The following PIP4K2A variants were observed in gnomAD, a reference collection of about 807,000 sequenced individuals.
PIP4K2A encodes phosphatidylinositol 5-phosphate 4-kinase type-2 alpha.
Under a neutral mutation model 42.9 loss-of-function variants are expected in PIP4K2A, and 14 were observed. The observed-to-expected ratio is 0.33, with a 90% CI of 0.22 to 0.51. The LOEUF is 0.51. Among genes scored for constraint, PIP4K2A ranks in the 20% least tolerant of loss-of-function variants. PIP4K2A has a pLI of 0.97. For synonymous variants in PIP4K2A, 192 were observed against 192.2 expected (o/e 1.00, Z 0.01); for missense variants, 434 against 519.8 (o/e 0.83, Z 1.61).
chr10:22,599,615 G>T (rs1837709011), intron 3 of PIP4K2A, among the ~76,000 whole-genome samples: 2 of 152,244 alleles, frequency 1.3e-5, no homozygotes, highest in African/African-American at 4.8e-5. Context: ...GGGAGCTAGA[G>T]AAAAACGAAC....
Position 22,609,111 on chromosome 10 carries a change from C to G in PIP4K2A, c.242+509G>C, listed in dbSNP as rs12251967. On this transcript the variant is annotated intron_variant, in intron 2 of 9. Transcript: ENST00000376573. ...CCGTGTCTTCTATATCATTGCATCT[C>G]TAGCTCTCAATGGACCACCTAACAT... Among the ~76,000 whole-genome samples the G allele has an allele frequency of 6.7e-3, 1,026 of 152,348 alleles. 7 individuals carry two copies. The highest frequency in any genetic ancestry group is 0.023 in the African/African-American group (966 of 41,580).
chr10:22,664,101 A>ACG lies in PIP4K2A; in HGVS notation c.144+50081_144+50082insCG, dbSNP rs1158450211. Among the ~76,000 whole-genome samples, 80 of 83,770 alleles carry ACG rather than the reference A, an allele frequency of 9.5e-4. 6 individuals carry two copies. Among genetic ancestry groups the ACG allele is most frequent in the African/African-American group, 7.1e-3 (72 of 10,160 alleles). 55.0% of individuals were successfully genotyped at this position (83,770 alleles called of 152,430 possible). On this transcript the variant is annotated intron_variant, in intron 1 of 9. Coordinates refer to ENST00000376573, the MANE Select transcript of PIP4K2A (RefSeq NM_005028.5). ...CGTATATATATATACATATATATAT[A>ACG]TACATATATATATACATATATATAT...
rs1419262688 is a variant in PIP4K2A at position 22,699,077 on chromosome 10, TCCTAA to T, written c.144+15101_144+15105del. Among the ~76,000 whole-genome samples, 7 of 152,270 alleles carry T rather than the reference TCCTAA, an allele frequency of 4.6e-5. No homozygotes were observed. In the East Asian group the frequency reaches 5.8e-4, roughly 13 times the overall value. The stretch of plus-strand genomic sequence containing the variant: ...TGAATTAGACAAAAAGATTAGCTTC[TCCTAA>T]CCTATTTTTTTAATGTCCCTAAAAT... On this transcript the variant is annotated intron_variant, in intron 1 of 9. Coordinates refer to ENST00000376573, the MANE Select transcript of PIP4K2A (RefSeq NM_005028.5).
At chr10:22,571,589 T>C (rs1055005292) in intron 5 of PIP4K2A, among the ~76,000 whole-genome samples, 2 of 152,170 alleles carry the variant, frequency 1.3e-5, no homozygotes, top group African/African-American at 4.8e-5. Flanking sequence ...ATTCAAACAA[T>C]GCATGCAAAC....
intron 1 of PIP4K2A, among the ~76,000 whole-genome samples, chr10:22,703,314 CAGG>C (rs1248523599): frequency 1.3e-5 from 2 of 152,100 alleles, no homozygotes; most frequent in African/African-American, 4.8e-5. Context: ...GAGGCTGAGG[CAGG>C]AGGATTGCTT....
Position 22,648,032 on chromosome 10 carries a change from C to T in PIP4K2A, c.145-38315G>A, listed in dbSNP as rs537402750. Among the ~76,000 whole-genome samples the T allele has an allele frequency of 2.0e-5, 3 of 152,326 alleles. No homozygotes were observed. In the South Asian group the frequency reaches 6.2e-4, roughly 32 times the overall value. On this transcript the variant is annotated intron_variant, in intron 1 of 9. Coordinates refer to ENST00000376573, the MANE Select transcript of PIP4K2A (RefSeq NM_005028.5). ...TCCTGAATCCTTTCCTACGTCTACC[C>T]ATTCTTCAAGGCTGTTCAGACTTTA...
chr10:22,683,498 G>C (rs1188381692), intron 1 of PIP4K2A, among the ~76,000 whole-genome samples: 1 of 152,162 alleles, frequency 6.6e-6, no homozygotes, highest in Non-Finnish European at 1.5e-5. Context: ...TGTCAAATGT[G>C]AATAATGACT....
At chr10:22,618,417 G>A (rs1356298738) in intron 1 of PIP4K2A, among the ~76,000 whole-genome samples, 1 of 152,182 alleles carries the variant, frequency 6.6e-6, no homozygotes, top group Non-Finnish European at 1.5e-5. Context: ...TAAGAGATAA[G>A]AGTTGAGGGT....
chr10:22,665,395 G>A (rs1020401185), intron 1 of PIP4K2A, among the ~76,000 whole-genome samples: 9 of 152,120 alleles, frequency 5.9e-5, no homozygotes, highest in Non-Finnish European at 7.4e-5. Context: ...GAGAGTGAAC[G>A]CACTATAATT....
At chr10:22,562,275 G>A (rs762542149) in intron 6 of PIP4K2A, among the ~76,000 whole-genome samples, 3 of 152,192 alleles carry the variant, frequency 2.0e-5, no homozygotes, top group South Asian at 4.1e-4. Flanking sequence ...TTGGCCGGGC[G>A]CGGTGGCTAA....
At chr10:22,636,738 G>T (rs930964888) in intron 1 of PIP4K2A, among the ~76,000 whole-genome samples, 5 of 152,174 alleles carry the variant, frequency 3.3e-5, no homozygotes, top group Non-Finnish European at 7.3e-5. Flanking sequence ...CATATTAACG[G>T]TCCCCGATGA....
At chr10:22,575,604 TA>T (rs1204344790) in intron 4 of PIP4K2A, among the ~76,000 whole-genome samples, 2 of 152,136 alleles carry the variant, frequency 1.3e-5, no homozygotes, top group Non-Finnish European at 2.9e-5. Flanking sequence ...TCCCCTACCT[TA>T]AACATTAGCT....
At chr10:22,661,288 T>C (rs1043857714) in intron 1 of PIP4K2A, among the ~76,000 whole-genome samples, 1 of 151,792 alleles carries the variant, frequency 6.6e-6, no homozygotes, top group Non-Finnish European at 1.5e-5. Context: ...TCCAAATTCA[T>C]CTTGTTTTTG....
intron 1 of PIP4K2A, among the ~76,000 whole-genome samples, chr10:22,614,767 A>G (rs995716948): frequency 6.6e-6 from 1 of 152,200 alleles, no homozygotes; most frequent in African/African-American, 2.4e-5. Flanking sequence ...CTGAAAAGAC[A>G]TTTAACTTCC....
At chr10:22,664,109 A>G (rs1839278030) in intron 1 of PIP4K2A, among the ~76,000 whole-genome samples, 2 of 74,324 alleles carry the variant, frequency 2.7e-5, no homozygotes, top group Non-Finnish European at 4.6e-5. Flanking sequence ...ATATACATAT[A>G]TATATACATA....
chr10:22,554,418 A>G (rs754807578), intron 6 of PIP4K2A, among the ~76,000 whole-genome samples: 1 of 152,228 alleles, frequency 6.6e-6, no homozygotes, highest in Non-Finnish European at 1.5e-5. Flanking sequence ...ATGTAGCAAC[A>G]GATTCTACAC....
At chr10:22,568,342 G>A (rs879557474) in intron 5 of PIP4K2A, among the ~76,000 whole-genome samples, 11 of 152,124 alleles carry the variant, frequency 7.2e-5, no homozygotes, top group African/African-American at 9.7e-5. Context: ...CCCACATTAC[G>A]TCCTTCTGTG....
rs45627240 is a variant in PIP4K2A, at chr10:22,536,957, AC to A, written c.*243del. 210,809 of 324,064 alleles carry A rather than the reference AC, an allele frequency of 0.65. 73,051 individuals carry two copies. Among genetic ancestry groups the A allele is most frequent in the African/African-American group, 0.81 (35,710 of 43,834 alleles). 20.1% of individuals were successfully genotyped at this position (324,064 alleles called of 1,614,324 possible). ...AAAATGCACACGCGCGCACACACTC[AC>A]CCCCCCCCAACACACACACACACAC... On this transcript the variant is annotated 3_prime_UTR_variant, in exon 10 of 10. Coordinates refer to ENST00000376573, the MANE Select transcript of PIP4K2A (RefSeq NM_005028.5).
intron 4 of PIP4K2A, among the ~76,000 whole-genome samples, chr10:22,583,657 ACT>A (rs923573526): frequency 1.3e-4 from 20 of 152,240 alleles, no homozygotes; most frequent in Admixed American, 1.3e-3. Flanking sequence ...CAGAAACAAA[ACT>A]CTCAGAAAAA....
Sources: gnomAD v4.1 joint callset for allele counts (sites outside exome capture counted in the v4.1 genomes callset) on GRCh38, gnomAD v4.1.1 for gene constraint, MANE v1.5 for transcripts, NCBI Gene and HGNC (gene_info 2026-07-23, HGNC 2026-07-21) for gene names.